Variants in SLC9A3 observed in about 807,000 individuals in gnomAD.
SLC9A3 encodes the protein solute carrier family 9 member A3, also known as sodium/hydrogen exchanger 3.
SLC9A3 carries 37 observed loss-of-function variants against 86.8 expected under a neutral mutation model. That is an observed-to-expected ratio of 0.43 (90% confidence interval 0.33 to 0.56). The LOEUF is 0.56. Ranked by LOEUF, SLC9A3 falls within the 20% of genes least tolerant of loss-of-function variation. The pLI, the probability that SLC9A3 is intolerant of heterozygous loss-of-function variation, is 0.06. For missense variants in SLC9A3, 1,011 were observed against 1,171.9 expected, an observed-to-expected ratio of 0.86 and a Z score of 2.00; for synonymous variants, 581 against 528.3, an observed-to-expected ratio of 1.10 and a Z score of -1.37.
At chr5:518,204 G>A (rs557833356) in intron 1 of SLC9A3, among the ~76,000 whole-genome samples, 1 of 152,214 alleles carries the variant, frequency 6.6e-6, no homozygotes, top group Non-Finnish European at 1.5e-5. Context: ...GGAAGGCTCC[G>A]AGCTCAGGAA....
intron 1 of SLC9A3, among the ~76,000 whole-genome samples, chr5:500,224 C>T (rs929213395): frequency 2.0e-5 from 3 of 152,256 alleles, no homozygotes; most frequent in Non-Finnish European, 2.9e-5. Flanking sequence ...CCTCCCGAGA[C>T]GCACTATGCA....
intron 1 of SLC9A3, among the ~76,000 whole-genome samples, chr5:514,523 C>T (rs187277202): frequency 6.6e-6 from 1 of 152,356 alleles, no homozygotes; most frequent in African/African-American, 2.4e-5. Flanking sequence ...CAGTCCTGCC[C>T]AGTGGCTCCC....
intron 1 of SLC9A3, 83 bp downstream of exon 1, chr5:524,029 G>T: frequency 2.2e-6 from 2 of 929,216 alleles, no homozygotes; most frequent in South Asian, 2.5e-5. Flanking sequence ...GACCTGATGC[G>T]CGCGGCCACA....
At chr5:506,560 T>C (rs1241182781) in intron 1 of SLC9A3, among the ~76,000 whole-genome samples, 1 of 152,112 alleles carries the variant, frequency 6.6e-6, no homozygotes, top group African/African-American at 2.4e-5. Context: ...CCCCACAGGT[T>C]CCCCACCTTC....
Position 472,674 on chromosome 5 carries a change from T to C in SLC9A3, c.*705A>G. 2.0e-6 allele frequency: 1 copy of C among 503,130 alleles called. No individual in the cohort carries two copies. The highest frequency in any genetic ancestry group is 3.9e-6 in the Non-Finnish European group (1 of 257,640). 31.2% of individuals were successfully genotyped at this position (503,130 alleles called of 1,614,324 possible). A position where few individuals can be genotyped will look rare whatever the true frequency, so the allele number is the denominator to read the frequency against. ...AGCAGACGGAAGACGTTCCTGCCAC[T>C]TTACCTGCAGTTCAAAGACCTGGCG... is the stretch of plus-strand genomic sequence containing the variant. On this transcript the variant is annotated 3_prime_UTR_variant, in exon 17 of 17. Coordinates refer to ENST00000264938, the MANE Select transcript of SLC9A3 (RefSeq NM_004174.4).
chr5:499,904 A>G (rs560858066), intron 1 of SLC9A3, among the ~76,000 whole-genome samples: 1 of 152,296 alleles, frequency 6.6e-6, no homozygotes, highest in Admixed American at 6.5e-5. Flanking sequence ...ATACCATGGG[A>G]GTGTGGAGGG....
Position 472,828 on chromosome 5 carries a change from G to T in SLC9A3, c.*551C>A. 1.8e-6 allele frequency: 1 copy of T among 551,480 alleles called. No individual in the cohort carries two copies. The highest frequency in any genetic ancestry group is 3.4e-6 in the Non-Finnish European group (1 of 291,786). 34.2% of individuals were successfully genotyped at this position (551,480 alleles called of 1,614,324 possible). A position where few individuals can be genotyped will look rare whatever the true frequency, so the allele number is the denominator to read the frequency against. ...GTCCCCGAGTCAGTCCCCGGGCGCG[G>T]GGCTCGGTTGGGGGGGCCCGGAACC... On this transcript the variant is annotated 3_prime_UTR_variant, in exon 17 of 17. Coordinates refer to ENST00000264938, the MANE Select transcript of SLC9A3 (RefSeq NM_004174.4).
At chr5:499,182 G>A (rs1048653553) in intron 1 of SLC9A3, among the ~76,000 whole-genome samples, 4 of 152,338 alleles carry the variant, frequency 2.6e-5, no homozygotes, top group South Asian at 4.1e-4. Flanking sequence ...CCTCTTGAAC[G>A]GCAGTCTGCA....
rs78158948 is a variant in SLC9A3, at chr5:475,494, C to A, written c.2251+67G>T. The A allele has an allele frequency of 8.4e-6, 8 of 953,930 alleles. No individual in the cohort carries two copies. The African/African-American group carries it at 1.3e-4, about 16-fold the overall frequency. The allele number at this position is 953,930 out of a possible 1,614,324, so 59.1% of individuals were successfully genotyped here. ...GTCCCAGTGCCCCTGGTCCAATGAC[C>A]GAGCTCCCTCCTGGGGCGGCAGGAG... On this transcript the variant is annotated intron_variant, in intron 15 of 16. Coordinates refer to ENST00000264938, the MANE Select transcript of SLC9A3 (RefSeq NM_004174.4).
At chr5:510,441 G>A (rs980068329) in intron 1 of SLC9A3, among the ~76,000 whole-genome samples, 1 of 152,198 alleles carries the variant, frequency 6.6e-6, no homozygotes, top group Non-Finnish European at 1.5e-5. Flanking sequence ...GACCTCACTG[G>A]GCTTTACTGT....
Position 482,548 on chromosome 5 carries a change from C to G in SLC9A3, c.1356G>C (p.Gln452His). Reference sequence around the variant, plus strand: ...CAGGGCTGGCTGGGCTGGGCCTCACCTGGAAGATGACGGTGAAGAACACTA... The same window carrying G: ...CAGGGCTGGCTGGGCTGGGCCTCACGTGGAAGATGACGGTGAAGAACACTA... ...IIVVFFTVIF[Q>H]GLTIKPLVQW... Residue 452 changes from glutamine (Q) to histidine (H), a missense_variant and splice_region_variant, in exon 7 of 17, where the codon CAG becomes CAC. Coordinates refer to ENST00000264938, the MANE Select transcript of SLC9A3 (RefSeq NM_004174.4). 2 of 1,609,182 alleles carry G rather than the reference C, an allele frequency of 1.2e-6. No individual in the cohort carries two copies. The highest frequency in any genetic ancestry group is 1.7e-6 in the Non-Finnish European group (2 of 1,176,928).
intron 10 of SLC9A3, chr5:478,467 AGGG>A (rs1738917165): frequency 2.6e-5 from 1 of 38,814 alleles, no homozygotes. Flanking sequence ...GGGGGGGCGC[AGGG>A]AGAGAAAGCA....
Position 488,575 on chromosome 5 carries a change from G to A in SLC9A3, c.515-99C>T, listed in dbSNP as rs149278285. On this transcript the variant is annotated intron_variant, in intron 2 of 16. Transcript: ENST00000264938. Reference sequence around the variant, plus strand: ...GCCTACGGGTCGGGGTTCGGAGCCCGTCTGGCTGGCGCCGGTGGCGTGGGG... The same window carrying A: ...GCCTACGGGTCGGGGTTCGGAGCCCATCTGGCTGGCGCCGGTGGCGTGGGG... 1,420 of 1,261,794 alleles carry A rather than the reference G, an allele frequency of 1.1e-3. 39 individuals carry two copies. The Admixed American group carries it at 0.037, about 33-fold the overall frequency. 78.2% of individuals were successfully genotyped at this position (1,261,794 alleles called of 1,614,324 possible). A position where few individuals can be genotyped will look rare whatever the true frequency, so the allele number is the denominator to read the frequency against.
chr5:501,395 C>G (rs963370480), intron 1 of SLC9A3, among the ~76,000 whole-genome samples: 1 of 152,210 alleles, frequency 6.6e-6, no homozygotes. Flanking sequence ...GGAACACGTC[C>G]CGGAGGATTA....
intron 11 of SLC9A3, 109 bp from the exon 12 acceptor site, chr5:476,781 CCCT>C (rs764612306): frequency 5.5e-5 from 74 of 1,341,004 alleles, no homozygotes; most frequent in African/African-American, 1.4e-4. Context: ...TCCTGCGTGC[CCCT>C]CGCCTTCCCA....
At chr5:493,282 A>T (rs1426259557) in intron 1 of SLC9A3, among the ~76,000 whole-genome samples, 1 of 152,236 alleles carries the variant, frequency 6.6e-6, no homozygotes, top group Non-Finnish European at 1.5e-5. Flanking sequence ...TTCAAAGGAA[A>T]GTTGTCTCCT....
chr5:503,094 A>G (rs73042950), intron 1 of SLC9A3, among the ~76,000 whole-genome samples: 3,633 of 152,362 alleles, frequency 0.024, 61 homozygotes, highest in Non-Finnish European at 0.032. Context: ...AGAACCAAGC[A>G]GAAACCCTAG....
chr5:515,737 A>G (rs1284032919), intron 1 of SLC9A3, among the ~76,000 whole-genome samples: 2 of 141,298 alleles, frequency 1.4e-5, no homozygotes, highest in African/African-American at 5.4e-5. Flanking sequence ...TCACACACCC[A>G]CACACTCCCC....
Position 472,722 on chromosome 5 carries a change from C to T in SLC9A3, c.*657G>A, listed in dbSNP as rs913423317. 5.3e-6 allele frequency: 3 copies of T among 567,048 alleles called. No individual in the cohort carries two copies. The highest frequency in any genetic ancestry group is 2.2e-5 in the Admixed American group (1 of 45,382). 35.1% of individuals were successfully genotyped at this position (567,048 alleles called of 1,614,324 possible). A position where few individuals can be genotyped will look rare whatever the true frequency, so the allele number is the denominator to read the frequency against. On this transcript the variant is annotated 3_prime_UTR_variant, in exon 17 of 17. Transcript: ENST00000264938. ...GCGAGGGCCTGGAAACGGCGCTCGG[C>T]CCAGGCCGCTTGCGGGCGCTGGGCC...
Sources: gnomAD v4.1 joint callset for allele counts (sites outside exome capture counted in the v4.1 genomes callset) on GRCh38, gnomAD v4.1.1 for gene constraint, MANE v1.5 for transcripts, NCBI Gene and HGNC (gene_info 2026-07-23, HGNC 2026-07-21) for gene names.